RORA: variants seen among roughly 807,000 people sequenced by gnomAD.
RORA encodes the protein RAR related orphan receptor A, also known as nuclear receptor ROR-alpha.
A neutral mutation model predicts 69.5 loss-of-function variants in RORA; 7 were observed. The ratio of observed to expected loss-of-function variants is 0.10; its 90% CI spans 0.06 to 0.19. The LOEUF is 0.19. Ranked by LOEUF, RORA falls within the 10% of genes least tolerant of loss-of-function variation. The probability of loss-of-function intolerance (pLI) is 1.00; values close to 1 mark genes in which losing one functional copy is unlikely to be tolerated. For synonymous variants in RORA, 261 were observed against 240.8 expected (o/e 1.08, Z -0.78); for missense variants, 457 against 663.0 (o/e 0.69, Z 3.41).
chr15:60,603,722 A>G (rs2068873226), intron 2 of RORA, among the ~76,000 whole-genome samples: 2 of 152,250 alleles, frequency 1.3e-5, no homozygotes, highest in South Asian at 4.1e-4. Context: ...CAGCTTATGT[A>G]ACACATTGTA....
chr15:61,056,068 T>C (rs566512094), intron 1 of RORA, among the ~76,000 whole-genome samples: 19 of 152,346 alleles, frequency 1.2e-4, no homozygotes, highest in Admixed American at 5.2e-4. Flanking sequence ...AAGACCCACA[T>C]ACTACTTCTA....
chr15:61,095,366 C>T (rs2078773739), intron 1 of RORA, among the ~76,000 whole-genome samples: 1 of 152,100 alleles, frequency 6.6e-6, no homozygotes, highest in Non-Finnish European at 1.5e-5. Context: ...TTAAAAAAGA[C>T]AATGCCTTTT....
intron 1 of RORA, among the ~76,000 whole-genome samples, chr15:60,820,423 T>C (rs1229882676): frequency 6.6e-6 from 1 of 151,908 alleles, no homozygotes; most frequent in African/African-American, 2.4e-5. Context: ...GTGTTGGAGG[T>C]CTTGAAGAAA....
At chr15:60,528,222 G>GT (rs765051705) in intron 3 of RORA, 135 of 152,040 alleles carry the variant, frequency 8.9e-4, no homozygotes, top group South Asian at 2.3e-3. Context: ...TGCCTAGCCA[G>GT]TTTTTTTTAT....
intron 1 of RORA, among the ~76,000 whole-genome samples, chr15:61,207,878 A>G (rs2079956147): frequency 6.6e-6 from 1 of 152,234 alleles, no homozygotes; most frequent in African/African-American, 2.4e-5. Flanking sequence ...CAGAAACCTT[A>G]CATTCATATT....
intron 1 of RORA, among the ~76,000 whole-genome samples, chr15:60,906,732 G>C (rs1891554107): frequency 6.6e-6 from 1 of 152,002 alleles, no homozygotes; most frequent in African/African-American, 2.4e-5. Flanking sequence ...TGATAGCTTG[G>C]GATGGATACT....
At chr15:61,018,741 C>T (rs1050894701) in intron 1 of RORA, among the ~76,000 whole-genome samples, 2 of 152,116 alleles carry the variant, frequency 1.3e-5, no homozygotes, top group Non-Finnish European at 2.9e-5. Context: ...ACATATAACA[C>T]ATATGAGTAC....
At chr15:60,630,388 A>G (rs909037468) in intron 2 of RORA, 3 of 152,188 alleles carry the variant, frequency 2.0e-5, no homozygotes, top group African/African-American at 7.2e-5. Context: ...TTGTCTTTGT[A>G]TGCCCGTATA....
intron 1 of RORA, among the ~76,000 whole-genome samples, chr15:61,028,085 C>T (rs1420105741): frequency 6.6e-6 from 1 of 152,124 alleles, no homozygotes; most frequent in Non-Finnish European, 1.5e-5. Flanking sequence ...CCTGGGAATC[C>T]CATTCCTCTT....
At chr15:60,653,325 G>A (rs993714871) in intron 2 of RORA, among the ~76,000 whole-genome samples, 8 of 152,148 alleles carry the variant, frequency 5.3e-5, no homozygotes, top group African/African-American at 1.7e-4. Flanking sequence ...GTGTGTGTGT[G>A]TGTGCGTATT....
chr15:60,638,024 C>G (rs2069871233), intron 2 of RORA, among the ~76,000 whole-genome samples: 1 of 152,080 alleles, frequency 6.6e-6, no homozygotes, highest in African/African-American at 2.4e-5. Flanking sequence ...CACAGAAAAT[C>G]AGAAAGGACT....
At chr15:60,928,975 G>T (rs1366371857) in intron 1 of RORA, among the ~76,000 whole-genome samples, 1 of 151,854 alleles carries the variant, frequency 6.6e-6, no homozygotes, top group Non-Finnish European at 1.5e-5. Flanking sequence ...ATCTTGAATT[G>T]TTTGGTGAAG....
At chr15:60,729,502 T>A (rs2071403569) in intron 1 of RORA, among the ~76,000 whole-genome samples, 1 of 152,214 alleles carries the variant, frequency 6.6e-6, no homozygotes, top group Non-Finnish European at 1.5e-5. Flanking sequence ...CTCCATTTTC[T>A]CCATTGTTAG....
intron 2 of RORA, among the ~76,000 whole-genome samples, chr15:60,621,776 A>C (rs2069414890): frequency 6.6e-6 from 1 of 152,082 alleles, no homozygotes; most frequent in South Asian, 2.1e-4. Context: ...GGCCGGGCGC[A>C]GTAACTCACA....
intron 1 of RORA, among the ~76,000 whole-genome samples, chr15:60,871,938 G>C (rs2073560965): frequency 6.6e-6 from 1 of 152,210 alleles, no homozygotes; most frequent in South Asian, 2.1e-4. Flanking sequence ...AACGTTGGGA[G>C]ACACTGGGTA....
At chr15:61,067,732 T>C (rs1044187521) in intron 1 of RORA, among the ~76,000 whole-genome samples, 4 of 152,188 alleles carry the variant, frequency 2.6e-5, no homozygotes, top group Non-Finnish European at 5.9e-5. Context: ...AATATATACA[T>C]ATGTACTGCT....
chr15:60,538,929 T>G (rs1457517084), intron 2 of RORA, among the ~76,000 whole-genome samples: 1 of 151,874 alleles, frequency 6.6e-6, no homozygotes, highest in Non-Finnish European at 1.5e-5. Flanking sequence ...GGATTGTAAT[T>G]TCTCCGGAAA....
intron 1 of RORA, among the ~76,000 whole-genome samples, chr15:60,792,632 C>T (rs1297431839): frequency 1.3e-5 from 2 of 152,158 alleles, no homozygotes; most frequent in Non-Finnish European, 2.9e-5. Flanking sequence ...CAGAAGACAA[C>T]GGAATAACAT....
chr15:60,946,612 T>C (rs990012872), intron 1 of RORA, among the ~76,000 whole-genome samples: 1 of 152,164 alleles, frequency 6.6e-6, no homozygotes, highest in African/African-American at 2.4e-5. Flanking sequence ...TGATCTCGGG[T>C]AGCTACAACC....
Sources: gnomAD v4.1 joint callset for allele counts (sites outside exome capture counted in the v4.1 genomes callset) on GRCh38, gnomAD v4.1.1 for gene constraint, MANE v1.5 for transcripts, NCBI Gene and HGNC (gene_info 2026-07-23, HGNC 2026-07-21) for gene names.